The following CMC1 variants were observed in gnomAD, a reference collection of about 807,000 sequenced individuals.
CMC1 encodes the protein C-X9-C motif containing 1.
A neutral mutation model predicts 14.1 loss-of-function variants in CMC1; 14 were observed. The ratio of observed to expected loss-of-function variants is 0.99; its 90% confidence interval spans 0.66 to 1.55. The LOEUF is 1.55. Ranked by LOEUF, CMC1 falls within the 40% of genes most tolerant of loss-of-function variation. CMC1 has a pLI of 0.00. For synonymous variants in CMC1, 50 were observed against 38.4 expected (o/e 1.30, Z -1.12); for missense variants, 127 against 123.8 (o/e 1.03, Z -0.12).
At chr3:28,295,102 A>T (rs1271849698) in intron 2 of CMC1, among the ~76,000 whole-genome samples, 1 of 152,186 alleles carries the variant, frequency 6.6e-6, no homozygotes, top group Non-Finnish European at 1.5e-5. Context: ...GACTCATTTT[A>T]ACGTGAGCTC....
chr3:28,297,314 A>C (rs1701785936), intron 2 of CMC1, among the ~76,000 whole-genome samples: 1 of 151,976 alleles, frequency 6.6e-6, no homozygotes, highest in Admixed American at 6.6e-5. Context: ...GAAAATGTAA[A>C]CTTTTAGGTA....
At chr3:28,262,664 T>C (rs1336989105) in intron 1 of CMC1, among the ~76,000 whole-genome samples, 1 of 152,200 alleles carries the variant, frequency 6.6e-6, no homozygotes, top group Non-Finnish European at 1.5e-5. Flanking sequence ...TCATCTTTTT[T>C]GGTTCACTGA....
At chr3:28,270,892 A>G (rs1236128392) in intron 2 of CMC1, among the ~76,000 whole-genome samples, 1 of 110,236 alleles carries the variant, frequency 9.1e-6, no homozygotes, top group Non-Finnish European at 2.0e-5. Context: ...TTTTACATTT[A>G]TGTCTTTAAT....
intron 2 of CMC1, among the ~76,000 whole-genome samples, chr3:28,292,249 T>C (rs35845822): frequency 0.22 from 33,029 of 152,064 alleles, 4,290 homozygotes; most frequent in Middle Eastern, 0.3. Flanking sequence ...TAGCCAATTT[T>C]TGTCTTTTTA....
chr3:28,243,830 G>A (rs1698662986), intron 1 of CMC1, among the ~76,000 whole-genome samples: 2 of 152,100 alleles, frequency 1.3e-5, no homozygotes. Context: ...ACGTGCGTGG[G>A]CACACACACA....
At chr3:28,294,359 T>C (rs915021554) in intron 2 of CMC1, 4 of 250,846 alleles carry the variant, frequency 1.6e-5, no homozygotes, top group African/African-American at 9.3e-5. Context: ...AATTGTATTA[T>C]TGTTAAGTAG....
chr3:28,273,313 A>C (rs570614503), intron 2 of CMC1, among the ~76,000 whole-genome samples: 1 of 152,114 alleles, frequency 6.6e-6, no homozygotes, highest in African/African-American at 2.4e-5. Context: ...ATTGGTTTCA[A>C]ATAACTTATT....
chr3:28,250,319 G>T (rs1430320240), intron 1 of CMC1, among the ~76,000 whole-genome samples: 1 of 152,182 alleles, frequency 6.6e-6, no homozygotes. Context: ...AGGTCAGGAA[G>T]AACTTTGGGA....
intron 3 of CMC1, 165 bp from the exon 4 acceptor site, chr3:28,319,344 T>TGGGG (rs756914496): frequency 2.9e-6 from 2 of 694,082 alleles, no homozygotes; most frequent in Non-Finnish European, 2.7e-6. Context: ...TGGTCTTTAG[T>TGGGG]TTGGTAGCAT....
chr3:28,244,378 C>T (rs1444059087), intron 1 of CMC1, among the ~76,000 whole-genome samples: 1 of 152,040 alleles, frequency 6.6e-6, no homozygotes, highest in Non-Finnish European at 1.5e-5. Context: ...AAATATACAG[C>T]GTCATGAGGA....
At chr3:28,250,647 C>A (rs1699084721) in intron 1 of CMC1, among the ~76,000 whole-genome samples, 1 of 152,084 alleles carries the variant, frequency 6.6e-6, no homozygotes, top group Non-Finnish European at 1.5e-5. Flanking sequence ...ACTAGGTTGG[C>A]AAAATGAAGG....
chr3:28,292,572 C>T (rs1701528649), intron 2 of CMC1, among the ~76,000 whole-genome samples: 1 of 152,150 alleles, frequency 6.6e-6, no homozygotes, highest in Non-Finnish European at 1.5e-5. Context: ...ATGATAGTCT[C>T]ATTCCCTTTC....
At chr3:28,263,797 A>G (rs937205220) in intron 2 of CMC1, among the ~76,000 whole-genome samples, 1 of 152,116 alleles carries the variant, frequency 6.6e-6, no homozygotes, top group Non-Finnish European at 1.5e-5. Flanking sequence ...GTCATTGTCT[A>G]TTACTGAATT....
At chr3:28,279,705 T>A (rs1700771695) in intron 2 of CMC1, among the ~76,000 whole-genome samples, 1 of 144,082 alleles carries the variant, frequency 6.9e-6, no homozygotes, top group Non-Finnish European at 1.5e-5. Context: ...TGAATAGGAA[T>A]CATAACCTAA....
chr3:28,305,044 C>T (rs1702237944), intron 2 of CMC1, among the ~76,000 whole-genome samples: 1 of 152,116 alleles, frequency 6.6e-6, no homozygotes, highest in African/African-American at 2.4e-5. Context: ...AAACAGTGAT[C>T]ATAGTAACCA....
chr3:28,323,089 TA>T lies in CMC1; in HGVS notation c.*3462del, dbSNP rs1703239799. ...CCCTGATTTCTATGATTAAAAATAA[TA>T]ATTTTAAATCACTTTCTCAATAAAT... On this transcript the variant is annotated 3_prime_UTR_variant, in exon 4 of 4. Coordinates refer to ENST00000466830, the MANE Select transcript of CMC1 (RefSeq NM_182523.2). 6.6e-6 allele frequency: 1 copy of T among 151,162 alleles called. No homozygotes were observed. Among genetic ancestry groups the T allele is most frequent in the Non-Finnish European group, 1.5e-5 (1 of 67,386 alleles). 9.4% of individuals were successfully genotyped at this position (151,162 alleles called of 1,614,324 possible).
intron 1 of CMC1, among the ~76,000 whole-genome samples, chr3:28,259,166 A>AATG (rs1229064721): frequency 3.3e-5 from 5 of 151,612 alleles, no homozygotes; most frequent in African/African-American, 1.2e-4. Flanking sequence ...TAATAATAAT[A>AATG]ATAGGAAACT....
intron 2 of CMC1, among the ~76,000 whole-genome samples, chr3:28,313,648 T>C (rs1184145626): frequency 6.6e-6 from 1 of 152,142 alleles, no homozygotes; most frequent in Non-Finnish European, 1.5e-5. Flanking sequence ...AGGCTTCAGG[T>C]CAGTCATATT....
At chr3:28,290,487 A>C (rs1701414527) in intron 2 of CMC1, among the ~76,000 whole-genome samples, 1 of 151,904 alleles carries the variant, frequency 6.6e-6, no homozygotes, top group Non-Finnish European at 1.5e-5. Flanking sequence ...GAGCAGCCTG[A>C]TTTTCATCCC....
Sources: allele counts gnomAD v4.1 joint callset (sites outside exome capture counted in the v4.1 genomes callset), GRCh38; gene constraint gnomAD v4.1.1; transcripts MANE v1.5; gene names NCBI Gene and HGNC (gene_info 2026-07-23, HGNC 2026-07-21).